The following GTF2IRD1 variants were observed in gnomAD, a reference collection of about 807,000 sequenced individuals.
GTF2IRD1 encodes general transcription factor II-I repeat domain-containing protein 1.
In GTF2IRD1, 26 loss-of-function variants were observed where a neutral mutation model predicts 113.2. That is an observed-to-expected ratio of 0.23 (90% CI 0.17 to 0.32). GTF2IRD1 has a LOEUF of 0.32. Ranked by LOEUF, GTF2IRD1 falls within the 10% of genes least tolerant of loss-of-function variation. The pLI is 1.00. For missense variants in GTF2IRD1, 864 were observed against 1,280.8 expected, an observed-to-expected ratio of 0.67 and a Z score of 4.97; for synonymous variants, 484 against 529.1, an observed-to-expected ratio of 0.91 and a Z score of 1.17.
intron 1 of GTF2IRD1, among the ~76,000 whole-genome samples, chr7:74,494,259 T>A (rs12534903): frequency 0.17 from 25,310 of 151,822 alleles, 2,245 homozygotes; most frequent in Middle Eastern, 0.23. Context: ...CAGAGCAAGA[T>A]CCCGTTTCTA....
chr7:74,563,919 T>C (rs1271071739), intron 22 of GTF2IRD1, among the ~76,000 whole-genome samples: 6 of 151,710 alleles, frequency 4.0e-5, no homozygotes, highest in Non-Finnish European at 7.4e-5. Context: ...GGCTCTGAGA[T>C]TTTTTTAGGT....
intron 1 of GTF2IRD1, among the ~76,000 whole-genome samples, chr7:74,458,052 G>T (rs912965897): frequency 3.9e-5 from 6 of 151,954 alleles, no homozygotes; most frequent in Non-Finnish European, 8.8e-5. Flanking sequence ...TGTATTTTTA[G>T]TAGAGATGGG....
chr7:74,468,647 C>T (rs1419412317), intron 1 of GTF2IRD1, among the ~76,000 whole-genome samples: 2 of 133,898 alleles, frequency 1.5e-5, no homozygotes, highest in African/African-American at 5.8e-5. Context: ...GACAGAGCAG[C>T]GAGACTCCAT....
At chr7:74,517,375 T>A (rs1445649969) in intron 4 of GTF2IRD1, among the ~76,000 whole-genome samples, 1 of 149,180 alleles carries the variant, frequency 6.7e-6, no homozygotes, top group Non-Finnish European at 1.5e-5. Context: ...CCACTTCCTC[T>A]TCTTCTTACT....
At chr7:74,518,401 G>T in intron 5 of GTF2IRD1, 79 bp downstream of exon 5, 1 of 1,191,474 alleles carries the variant, frequency 8.4e-7, no homozygotes. Context: ...AGGCCACTTA[G>T]CCAGAGGGGA....
At chr7:74,457,868 T>TA (rs1350674394) in intron 1 of GTF2IRD1, among the ~76,000 whole-genome samples, 1 of 150,038 alleles carries the variant, frequency 6.7e-6, no homozygotes, top group African/African-American at 2.5e-5. Flanking sequence ...CATGCTGAGT[T>TA]ACGTTTTTGT....
chr7:74,471,346 G>A (rs568779342), intron 1 of GTF2IRD1, among the ~76,000 whole-genome samples: 80 of 152,088 alleles, frequency 5.3e-4, no homozygotes, highest in African/African-American at 1.8e-3. Context: ...GACCAGCTTA[G>A]ACAGCCAAAA....
intron 14 of GTF2IRD1, among the ~76,000 whole-genome samples, chr7:74,543,766 T>G (rs1171159141): frequency 1.4e-5 from 2 of 146,722 alleles, no homozygotes; most frequent in Non-Finnish European, 3.0e-5. Context: ...CCAGCCGTGG[T>G]GGTACATGCC....
intron 22 of GTF2IRD1, 134 bp from the exon 23 acceptor site, chr7:74,589,716 AC>A: frequency 1.8e-6 from 1 of 547,260 alleles, no homozygotes; most frequent in Non-Finnish European, 3.3e-6. Flanking sequence ...AAAAAAAAAA[AC>A]AGCTATATAG....
At chr7:74,547,001 G>A in intron 16 of GTF2IRD1, 102 bp from the exon 17 acceptor site, 1 of 1,054,952 alleles carries the variant, frequency 9.5e-7, no homozygotes, top group Non-Finnish European at 1.4e-6. Flanking sequence ...GCCCTCAAAA[G>A]GGCTCTGGCA....
intron 11 of GTF2IRD1, 49 bp from the exon 12 acceptor site, chr7:74,538,087 G>T: frequency 6.3e-7 from 1 of 1,593,364 alleles, no homozygotes; most frequent in Non-Finnish European, 8.6e-7. Context: ...CTGGGGCAGG[G>T]TGGCCCTGGA....
chr7:74,486,343 G>C (rs1562792152), intron 1 of GTF2IRD1, among the ~76,000 whole-genome samples: 3 of 152,192 alleles, frequency 2.0e-5, no homozygotes, highest in Admixed American at 2.0e-4. Flanking sequence ...GCCGCAGGCA[G>C]CTGCTCAGGC....
chr7:74,578,530 T>G (rs1475573049), intron 22 of GTF2IRD1, among the ~76,000 whole-genome samples: 1 of 152,218 alleles, frequency 6.6e-6, no homozygotes, highest in Non-Finnish European at 1.5e-5. Context: ...TGGGACTTGC[T>G]GTTTTCCACT....
chr7:74,479,852 A>T (rs1296867496), intron 1 of GTF2IRD1, among the ~76,000 whole-genome samples: 1 of 147,622 alleles, frequency 6.8e-6, no homozygotes, highest in Non-Finnish European at 1.5e-5. Context: ...TCCTGGGTTC[A>T]AACAATTCTC....
At chr7:74,506,437 C>T (rs1554341089) in intron 1 of GTF2IRD1, 1 of 152,228 alleles carries the variant, frequency 6.6e-6, no homozygotes, top group Non-Finnish European at 1.5e-5. Context: ...CCATGGTCCT[C>T]CTGCCTGGGC....
chr7:74,462,225 C>T (rs888871216), intron 1 of GTF2IRD1, among the ~76,000 whole-genome samples: 5 of 152,094 alleles, frequency 3.3e-5, no homozygotes, highest in South Asian at 2.1e-4. Flanking sequence ...AAAAATTAGC[C>T]GGGTGTGGTG....
At chr7:74,490,543 C>T (rs918083860) in intron 1 of GTF2IRD1, among the ~76,000 whole-genome samples, 2 of 34,996 alleles carry the variant, frequency 5.7e-5, no homozygotes, top group East Asian at 6.6e-4. Flanking sequence ...AGAAAGGATA[C>T]CCCCCCCCCC....
intron 22 of GTF2IRD1, among the ~76,000 whole-genome samples, chr7:74,589,612 C>A (rs1230690045): frequency 6.6e-6 from 1 of 151,766 alleles, no homozygotes; most frequent in African/African-American, 2.4e-5. Context: ...CAGGAGAATT[C>A]GCTTGAACCC....
intron 17 of GTF2IRD1, among the ~76,000 whole-genome samples, chr7:74,551,508 A>G (rs1799305133): frequency 6.6e-6 from 1 of 152,336 alleles, no homozygotes; most frequent in Middle Eastern, 3.4e-3. Context: ...TCAAAATGTC[A>G]TGTCAGGTAG....
Sources: gnomAD v4.1 joint callset for allele counts (sites outside exome capture counted in the v4.1 genomes callset) on GRCh38, gnomAD v4.1.1 for gene constraint, MANE v1.5 for transcripts, NCBI Gene and HGNC (gene_info 2026-07-23, HGNC 2026-07-21) for gene names.